GRID2IP: variants seen among roughly 807,000 people sequenced by gnomAD.
GRID2IP encodes Grid2 interacting protein.
GRID2IP carries 78 observed loss-of-function variants against 114.3 expected under a neutral mutation model. The ratio of observed to expected loss-of-function variants is 0.68; its 90% CI spans 0.57 to 0.82. The LOEUF is 0.82. Ranked by LOEUF, GRID2IP falls within the 40% of genes least tolerant of loss-of-function variation. The pLI is 0.00. For missense variants in GRID2IP, 1,727 were observed against 1,678.5 expected (o/e 1.03, Z -0.51); for synonymous variants, 809 against 724.0 (o/e 1.12, Z -1.89).
At chr7:6,522,103 A>C in intron 4 of GRID2IP, 146 bp from the exon 5 acceptor site, 1 of 641,020 alleles carries the variant, frequency 1.6e-6, no homozygotes, top group Admixed American at 2.6e-5. Context: ...TAACCTCAGC[A>C]CTTTGGGAGG....
chr7:6,502,231 A>G, intron 18 of GRID2IP, 113 bp from the exon 19 acceptor site: 7 of 1,019,476 alleles, frequency 6.9e-6, no homozygotes, highest in South Asian at 3.0e-5. Context: ...TGGCGCCCCC[A>G]CTTTTTTTTT....
At chr7:6,511,967 G>A (rs1397854597) in intron 8 of GRID2IP, among the ~76,000 whole-genome samples, 1 of 151,426 alleles carries the variant, frequency 6.6e-6, no homozygotes, top group African/African-American at 2.4e-5. Context: ...GAGTGCAGTG[G>A]CACAATCTCA....
Position 6,503,704 on chromosome 7 carries a change from G to T in GRID2IP, c.2711-17C>A. ...AGAGGATGGCTGCGGGCGGGGCGGG[G>T]CGGTGAGCTGGGCGGGGCCGGAGCG... is the stretch of plus-strand genomic sequence containing the variant. On this transcript the variant is annotated splice_polypyrimidine_tract_variant and intron_variant, in intron 15 of 21. Transcript: ENST00000457091. The T allele has an allele frequency of 6.8e-7, 1 of 1,462,068 alleles. No homozygotes were observed. The highest frequency in any genetic ancestry group is 1.3e-5 in the South Asian group (1 of 74,252). The allele number at this position is 1,462,068 out of a possible 1,614,324, so 90.6% of individuals were successfully genotyped here.
Position 6,532,793 on chromosome 7 carries a change from GCTGTGAGCA to G in GRID2IP, c.585-6033_585-6025del, listed in dbSNP as rs1467982182. 6.6e-6 allele frequency among the ~76,000 whole-genome samples: 1 copy of G among 152,208 alleles called. No individual in the cohort carries two copies. The highest frequency in any genetic ancestry group is 1.5e-5 in the Non-Finnish European group (1 of 68,050). ...AAAGGCTCTGAAAACCATCCACCGT[GCTGTGAGCA>G]CAGGAGATGCAACCAGGGAGCAGAC... is the stretch of plus-strand genomic sequence containing the variant. On this transcript the variant is annotated intron_variant, in intron 2 of 21. Transcript: ENST00000457091. The surrounding 1 kb of genome is among the most constrained non-coding windows in gnomAD (Gnocchi z 4.4).
Position 6,520,646 on chromosome 7 carries a change from C to T in GRID2IP, c.1200G>A (p.Leu400=), listed in dbSNP as rs374250279. ...GCTCAGGAGGTGTGAGTAGGTGCTC[C>T]AGCTGCTGGCTGAAGGTCCTCCCTT... The part of the protein sequence containing the change: ...RVQGRTFSQQ[L]EHLLTPPERY... The change falls in exon 7 of 22, where the codon CTG becomes CTA. Residue 400 remains leucine (L), a synonymous_variant. Coordinates refer to ENST00000457091, the MANE Select transcript of GRID2IP (RefSeq NM_001145118.2). This position sits in a 1 kb window ranked among gnomAD's most constrained non-coding sequence, Gnocchi z 4.6. 54 of 1,551,606 alleles carry T rather than the reference C, an allele frequency of 3.5e-5. No individual in the cohort carries two copies. In the African/African-American group the frequency reaches 7.3e-4, roughly 21 times the overall value.
At chr7:6,535,456 G>A (rs529566337) in intron 2 of GRID2IP, among the ~76,000 whole-genome samples, 22 of 152,266 alleles carry the variant, frequency 1.4e-4, no homozygotes, top group African/African-American at 5.1e-4. Flanking sequence ...TCACCCTTTA[G>A]TGAGGCCACA....
Position 6,516,568 on chromosome 7 carries a change from C to T in GRID2IP, c.1269-2039G>A, listed in dbSNP as rs538805576. 2.6e-5 allele frequency among the ~76,000 whole-genome samples: 4 copies of T among 151,974 alleles called. No homozygotes were observed. Among genetic ancestry groups the T allele is most frequent in the Admixed American group, 2.6e-4 (4 of 15,238 alleles). ...GGAAGGCACCCGTTGCTTAGCAGAC[C>T]GGGAAAGGGAGTCTCCCTTTCCTGG... On this transcript the variant is annotated intron_variant, in intron 7 of 21. Coordinates refer to ENST00000457091, the MANE Select transcript of GRID2IP (RefSeq NM_001145118.2). This position sits in a 1 kb window ranked among gnomAD's most constrained non-coding sequence, Gnocchi z 4.3.
Position 6,510,901 on chromosome 7 carries a change from G to A in GRID2IP, c.1555+7C>T, listed in dbSNP as rs994711771. 4 of 1,549,826 alleles carry A rather than the reference G, an allele frequency of 2.6e-6. No individual in the cohort carries two copies. The African/African-American group carries it at 5.5e-5, about 21-fold the overall frequency. On this transcript the variant is annotated splice_region_variant and intron_variant, in intron 9 of 21. Transcript: ENST00000457091. ...CATTCATACCCTCCCCCTGACACCAGCCTTACCGCAGCTGAGGCCGGCCTC... is the reference window on the plus strand; with the variant it reads ...CATTCATACCCTCCCCCTGACACCAACCTTACCGCAGCTGAGGCCGGCCTC...
rs962296939 is a variant in GRID2IP at position 6,519,047 on chromosome 7, T to C, written c.1268+1531A>G. Among the ~76,000 whole-genome samples, 24 of 151,948 alleles carry C rather than the reference T, an allele frequency of 1.6e-4. No homozygotes were observed. The highest frequency in any genetic ancestry group is 5.3e-4 in the African/African-American group (22 of 41,374). On this transcript the variant is annotated intron_variant, in intron 7 of 21. Transcript: ENST00000457091. This position sits in a 1 kb window ranked among gnomAD's most constrained non-coding sequence, Gnocchi z 4.1. ...GATTCTCCTGCCTCAGCCTCCCAAG[T>C]AGCTGGAACTACAGGTGCGCACCAC...
chr7:6,498,618 C>T (rs1489516253), intron 20 of GRID2IP, among the ~76,000 whole-genome samples: 2 of 118,492 alleles, frequency 1.7e-5, no homozygotes, highest in Non-Finnish European at 3.2e-5. Context: ...CTTATTCTGT[C>T]GCTCAGCCTG....
intron 2 of GRID2IP, among the ~76,000 whole-genome samples, chr7:6,527,615 T>A (rs187155569): frequency 6.6e-6 from 1 of 152,220 alleles, no homozygotes; most frequent in East Asian, 1.9e-4. Flanking sequence ...TGAGAGAGGG[T>A]CTTGCTCTGT....
chr7:6,550,097 C>T (rs1404037523), intron 1 of GRID2IP, among the ~76,000 whole-genome samples: 2 of 152,104 alleles, frequency 1.3e-5, no homozygotes, highest in African/African-American at 4.8e-5. Context: ...CTGAAGCGAT[C>T]TTCCTGCCTC....
At position 6,534,321 on chromosome 7, in the gene GRID2IP, A is replaced by G. The variant is rs1364971318; in HGVS notation, c.584+5397T>C. Among the ~76,000 whole-genome samples the G allele has an allele frequency of 6.6e-6, 1 of 152,138 alleles. No individual in the cohort carries two copies. The highest frequency in any genetic ancestry group is 1.5e-5 in the Non-Finnish European group (1 of 68,024). ...ATATTTCCTGAAACGCTAGCGGACC[A>G]CAAAGCTGACTCTGCTTTCCTGTTC... On this transcript the variant is annotated intron_variant, in intron 2 of 21. Coordinates refer to ENST00000457091, the MANE Select transcript of GRID2IP (RefSeq NM_001145118.2). This position sits in a 1 kb window ranked among gnomAD's most constrained non-coding sequence, Gnocchi z 4.5.
chr7:6,504,201 T>C (rs1160859587), intron 15 of GRID2IP, among the ~76,000 whole-genome samples: 1 of 134,392 alleles, frequency 7.4e-6, no homozygotes, highest in African/African-American at 2.9e-5. Context: ...GCTTTGGGAT[T>C]GGCCGGGGCT....
rs1380868427 is a variant in GRID2IP at position 6,510,336 on chromosome 7, G to A, written c.1718C>T (p.Thr573Ile). Residue 573 changes from threonine (T) to isoleucine (I), a missense_variant, in exon 11 of 22, where the codon ACC (threonine) becomes ATC (isoleucine). By Grantham distance (89) the Thr-to-Ile change is moderately conservative. Transcript: ENST00000457091. ...AGGGGAAGCCCGGGATTTGGACACG[G>A]TCCCCATCTTCCCTTTGAAGCTGCT... ...LNSSFKGKMG[T>I]VSKSRASPPG... 6.5e-7 allele frequency: 1 copy of A among 1,547,670 alleles called. No homozygotes were observed. The highest frequency in any genetic ancestry group is 8.7e-7 in the Non-Finnish European group (1 of 1,145,370).
At position 6,497,188 on chromosome 7, in the gene GRID2IP, C is replaced by T. The variant is rs1388248284; in HGVS notation, c.*586G>A. 4.6e-5 allele frequency among the ~76,000 whole-genome samples: 7 copies of T among 152,206 alleles called. No homozygotes were observed. Among genetic ancestry groups the T allele is most frequent in the Non-Finnish European group, 7.3e-5 (5 of 68,042 alleles). ...TGTCCACTGCATGAAACCTCAATTC[C>T]GCAGTCTGACATAGGGGGTCTTCCT... On this transcript the variant is annotated 3_prime_UTR_variant, in exon 22 of 22. Transcript: ENST00000457091.
chr7:6,520,106 T>C lies in GRID2IP; in HGVS notation c.1268+472A>G, dbSNP rs1779385372. ...CTGACCAACATAGTGAAACCCTGTC[T>C]CTAGTAAAACCCTGTCTCTAGTAAA... On this transcript the variant is annotated intron_variant, in intron 7 of 21. Coordinates refer to ENST00000457091, the MANE Select transcript of GRID2IP (RefSeq NM_001145118.2). This position sits in a 1 kb window ranked among gnomAD's most constrained non-coding sequence, Gnocchi z 4.6. Among the ~76,000 whole-genome samples, 1 of 152,072 alleles carries C rather than the reference T, an allele frequency of 6.6e-6. No homozygotes were observed. Among genetic ancestry groups the C allele is most frequent in the Non-Finnish European group, 1.5e-5 (1 of 68,016 alleles).
chr7:6,549,919 C>CCGTGCCCAGCCT (rs1779947905), intron 1 of GRID2IP, among the ~76,000 whole-genome samples: 1 of 152,010 alleles, frequency 6.6e-6, no homozygotes, highest in African/African-American at 2.4e-5. Context: ...GCGTGAGCCA[C>CCGTGCCCAGCCT]CTCACCCCAC....
At position 6,528,354 on chromosome 7, in the gene GRID2IP, C is replaced by T. The variant is rs1273841395; in HGVS notation, c.585-1585G>A. 1.3e-5 allele frequency among the ~76,000 whole-genome samples: 2 copies of T among 152,194 alleles called. No homozygotes were observed. The highest frequency in any genetic ancestry group is 6.5e-5 in the Admixed American group (1 of 15,280). Reference sequence around the variant, plus strand: ...GCAGTTAACATCCTGATGGACTCTCCGGTCTGTGGCAGAGGATTCTGAGGC... The same window carrying T: ...GCAGTTAACATCCTGATGGACTCTCTGGTCTGTGGCAGAGGATTCTGAGGC... On this transcript the variant is annotated intron_variant, in intron 2 of 21. Transcript: ENST00000457091. This position sits in a 1 kb window ranked among gnomAD's most constrained non-coding sequence, Gnocchi z 6.0.
Sources: allele counts gnomAD v4.1 joint callset (sites outside exome capture counted in the v4.1 genomes callset), GRCh38; gene constraint gnomAD v4.1.1; non-coding constraint Gnocchi (gnomAD v3.1); transcripts MANE v1.5; gene names NCBI Gene and HGNC (gene_info 2026-07-23, HGNC 2026-07-21).